Variants in TAFA2 observed in about 807,000 individuals in gnomAD.
TAFA2 encodes chemokine-like protein TAFA-2.
TAFA2 carries 7 observed loss-of-function variants against 18.8 expected under a neutral mutation model. The ratio of observed to expected loss-of-function variants is 0.37; its 90% CI spans 0.21 to 0.70. The LOEUF (loss-of-function observed/expected upper bound fraction) is 0.70, where lower values mean the gene tolerates loss of function less well. Among genes scored for constraint, TAFA2 ranks in the 30% least tolerant of loss-of-function variants. The pLI, the probability that TAFA2 is intolerant of heterozygous loss-of-function variation, is 0.53. For synonymous variants in TAFA2, 60 were observed against 54.2 expected (o/e 1.11, Z -0.47); for missense variants, 122 against 158.1 (o/e 0.77, Z 1.23).
At chr12:62,215,746 CAA>C (rs200803405) in intron 1 of TAFA2, among the ~76,000 whole-genome samples, 12 of 72,572 alleles carry the variant, frequency 1.7e-4, no homozygotes, top group African/African-American at 5.5e-4. Flanking sequence ...ACTTGTTTCT[CAA>C]AAAAAAAAAA....
intron 1 of TAFA2, among the ~76,000 whole-genome samples, chr12:61,874,370 C>G (rs942939293): frequency 7.2e-5 from 11 of 152,068 alleles, no homozygotes; most frequent in African/African-American, 2.7e-4. Context: ...TGTAATGAAT[C>G]CAGCTCTTAA....
chr12:62,232,846 G>A (rs914664340), intron 1 of TAFA2, among the ~76,000 whole-genome samples: 1 of 151,914 alleles, frequency 6.6e-6, no homozygotes, highest in Non-Finnish European at 1.5e-5. Flanking sequence ...GTCCTACTTT[G>A]GGTGATACTA....
At chr12:61,746,402 G>C (rs546451065) in intron 4 of TAFA2, among the ~76,000 whole-genome samples, 2 of 152,188 alleles carry the variant, frequency 1.3e-5, no homozygotes, top group African/African-American at 4.8e-5. Flanking sequence ...ATAGCAGTGT[G>C]AGAATGAACT....
At chr12:61,724,094 A>G (rs1870027507) in intron 4 of TAFA2, among the ~76,000 whole-genome samples, 1 of 152,104 alleles carries the variant, frequency 6.6e-6, no homozygotes, top group Non-Finnish European at 1.5e-5. Context: ...CATGCACACA[A>G]ACAGAATTAT....
At chr12:61,970,951 G>C (rs1375584896) in intron 1 of TAFA2, among the ~76,000 whole-genome samples, 1 of 151,556 alleles carries the variant, frequency 6.6e-6, no homozygotes, top group Non-Finnish European at 1.5e-5. Flanking sequence ...ATTTAAAACA[G>C]GAGAGGATAA....
chr12:61,959,963 A>G (rs1321793337), intron 1 of TAFA2, among the ~76,000 whole-genome samples: 1 of 151,922 alleles, frequency 6.6e-6, no homozygotes, highest in African/African-American at 2.4e-5. Context: ...AGTCTTGAAC[A>G]CCTGGGCTCA....
At chr12:61,940,668 T>C (rs1015055679) in intron 1 of TAFA2, among the ~76,000 whole-genome samples, 4 of 152,190 alleles carry the variant, frequency 2.6e-5, no homozygotes, top group African/African-American at 9.7e-5. Flanking sequence ...AGAATGGGCA[T>C]CCTTTTCTCA....
intron 4 of TAFA2, among the ~76,000 whole-genome samples, chr12:61,728,533 A>G (rs1870283363): frequency 1.3e-5 from 2 of 151,882 alleles, no homozygotes; most frequent in African/African-American, 4.8e-5. Flanking sequence ...TTTGTCTGAT[A>G]TAAGAATAGC....
At chr12:62,006,132 A>T (rs551381683) in intron 1 of TAFA2, among the ~76,000 whole-genome samples, 6 of 152,302 alleles carry the variant, frequency 3.9e-5, no homozygotes, top group African/African-American at 1.4e-4. Context: ...TACCCTGGTG[A>T]TGGTAGTACT....
intron 1 of TAFA2, among the ~76,000 whole-genome samples, chr12:62,220,857 C>CG (rs2062757471): frequency 6.6e-6 from 1 of 151,750 alleles, no homozygotes; most frequent in Admixed American, 6.6e-5. Flanking sequence ...CCTGTAAGAC[C>CG]AGCACTTTGG....
rs145406777 is a variant in TAFA2, at chr12:62,228,239, G to A, written c.-130+30524C>T. On this transcript the variant is annotated intron_variant, in intron 1 of 5. Coordinates refer to the TAFA2 transcript ENST00000551619. ...TTATTGTTTCCATCTATGTGTCCAT[G>A]TGTACGGAATGTTTAGCTCCCACTT... Among the ~76,000 whole-genome samples the A allele has an allele frequency of 1.8e-3, 276 of 152,158 alleles. 1 individual carries two copies. Among genetic ancestry groups the A allele is most frequent in the African/African-American group, 6.6e-3 (272 of 41,482 alleles).
chr12:62,051,706 G>A (rs886773137), intron 1 of TAFA2, among the ~76,000 whole-genome samples: 4 of 151,792 alleles, frequency 2.6e-5, no homozygotes, highest in Non-Finnish European at 4.4e-5. Flanking sequence ...ACCTGTCCAT[G>A]AGGAGAGAGG....
In TAFA2 at chr12:61,715,175, C is replaced by T. The variant is rs186365973; in HGVS notation, c.385-4758G>A. Among the ~76,000 whole-genome samples, 6 of 152,156 alleles carry T rather than the reference C, an allele frequency of 3.9e-5. No homozygotes were observed. The East Asian group carries it at 9.7e-4, about 25-fold the overall frequency. On this transcript the variant is annotated intron_variant, in intron 4 of 4. Transcript: ENST00000416284. ...TGGAGGGCGGTATTACTTCTTATTT[C>T]TCTAAAAATATTGACTTAATTTTCT...
intron 1 of TAFA2, among the ~76,000 whole-genome samples, chr12:62,159,693 C>T (rs532553975): frequency 2.7e-4 from 41 of 151,616 alleles, no homozygotes; most frequent in African/African-American, 9.2e-4. Flanking sequence ...ACACAGTGGA[C>T]TTTAGGGACT....
chr12:62,018,417 AT>A (rs540932391), intron 1 of TAFA2, among the ~76,000 whole-genome samples: 19 of 152,250 alleles, frequency 1.2e-4, no homozygotes, highest in Admixed American at 1.2e-3. Context: ...TAAAGACAGT[AT>A]TTTTTTAATA....
At chr12:61,891,562 C>T (rs779229614) in intron 1 of TAFA2, among the ~76,000 whole-genome samples, 3 of 151,892 alleles carry the variant, frequency 2.0e-5, no homozygotes, top group Non-Finnish European at 2.9e-5. Flanking sequence ...GCAGGAGAAT[C>T]GCTTGAACCC....
intron 2 of TAFA2, among the ~76,000 whole-genome samples, chr12:61,830,411 T>C (rs528241850): frequency 8.8e-4 from 133 of 151,656 alleles, no homozygotes; most frequent in African/African-American, 2.9e-3. Flanking sequence ...GGAATACTAG[T>C]CTGCCATAAA....
At chr12:62,204,188 G>A (rs2062682843) in intron 1 of TAFA2, among the ~76,000 whole-genome samples, 1 of 152,046 alleles carries the variant, frequency 6.6e-6, no homozygotes, top group African/African-American at 2.4e-5. Context: ...GGCTTGTTGG[G>A]TTTCTCAGGA....
chr12:62,205,660 A>G (rs1254516785), intron 1 of TAFA2, among the ~76,000 whole-genome samples: 2 of 152,154 alleles, frequency 1.3e-5, no homozygotes, highest in East Asian at 3.9e-4. Flanking sequence ...CTGGGTCCAA[A>G]CCGCCCAGTT....
Sources: gnomAD v4.1 joint callset for allele counts (sites outside exome capture counted in the v4.1 genomes callset) on GRCh38, gnomAD v4.1.1 for gene constraint, MANE v1.5 for transcripts, NCBI Gene and HGNC (gene_info 2026-07-23, HGNC 2026-07-21) for gene names.